PRKG2: variants seen among roughly 807,000 people sequenced by gnomAD.
The protein encoded by PRKG2 is protein kinase cGMP-dependent 2, also known as cGMP-dependent protein kinase 2.
PRKG2 carries 33 observed loss-of-function variants against 97.2 expected under a neutral mutation model. The ratio of observed to expected loss-of-function variants is 0.34; its 90% CI spans 0.26 to 0.45. The LOEUF (loss-of-function observed/expected upper bound fraction) is 0.45. Among genes scored for constraint, PRKG2 ranks in the 20% least tolerant of loss-of-function variants. The pLI is 1.00. For missense variants in PRKG2, 638 were observed against 900.0 expected, an observed-to-expected ratio of 0.71 and a Z score of 3.73; for synonymous variants, 330 against 321.8, an observed-to-expected ratio of 1.03 and a Z score of -0.27.
chr4:81,187,531 G>T (rs922026132), intron 2 of PRKG2, among the ~76,000 whole-genome samples: 3 of 152,094 alleles, frequency 2.0e-5, no homozygotes, highest in African/African-American at 7.2e-5. Flanking sequence ...GCAAAATCTG[G>T]AAGCATTCCC....
intron 17 of PRKG2, among the ~76,000 whole-genome samples, chr4:81,097,189 T>C (rs1742205085): frequency 6.6e-6 from 1 of 152,150 alleles, no homozygotes; most frequent in African/African-American, 2.4e-5. Flanking sequence ...TAAATACTCC[T>C]TGGTTCCTGG....
At chr4:81,141,973 C>T (rs903918025) in intron 11 of PRKG2, among the ~76,000 whole-genome samples, 4 of 152,130 alleles carry the variant, frequency 2.6e-5, no homozygotes, top group African/African-American at 9.7e-5. Context: ...GCCAGCAGAC[C>T]AACAGGTCAG....
intron 1 of PRKG2, among the ~76,000 whole-genome samples, chr4:81,207,115 A>C (rs1353378398): frequency 6.6e-6 from 1 of 152,230 alleles, no homozygotes. Flanking sequence ...AGCCCTGGAC[A>C]TACTTGTACC....
In PRKG2 at chr4:81,144,234, C is replaced by T. The variant is rs112801782; in HGVS notation, c.1251G>A (p.Ala417=). ...CAGGAAAACATTCCTCCACTTACTT[C>T]GCATGTCTTTTTTCATCATCACGGT... ...NLNRDDEKRH[A]KRSMSNWKLS... Residue 417 remains alanine (A), a splice_region_variant and synonymous_variant, in exon 10 of 19, where the codon GCG becomes GCA. Transcript: ENST00000264399. The T allele has an allele frequency of 4.2e-5, 67 of 1,602,878 alleles. No homozygotes were observed. The African/African-American group carries it at 6.3e-4, about 15-fold the overall frequency.
chr4:81,148,767 G>A (rs1748101448), intron 9 of PRKG2, 117 bp downstream of exon 9: 4 of 876,902 alleles, frequency 4.6e-6, no homozygotes, highest in Non-Finnish European at 7.6e-6. Flanking sequence ...TTGCAGCTGA[G>A]ATCGGCCAGT....
intron 14 of PRKG2, among the ~76,000 whole-genome samples, chr4:81,117,010 T>TTTTTTTTTTA (rs1744607499): frequency 7.0e-6 from 1 of 143,858 alleles, no homozygotes; most frequent in African/African-American, 2.7e-5. Context: ...TTTTTTTTTT[T>TTTTTTTTTTA]GAGACAGGGT....
At position 81,189,346 on chromosome 4, in the gene PRKG2, T is replaced by C. The variant is rs886849624; in HGVS notation, c.462-14387A>G. On this transcript the variant is annotated intron_variant, in intron 2 of 18. Coordinates refer to ENST00000264399, the MANE Select transcript of PRKG2 (RefSeq NM_006259.3). ...TCTTTTTGTCTTATTTTATTATTGCTACATCTTCAGAAATAATAAAAATGT... is the reference window on the plus strand; with the variant it reads ...TCTTTTTGTCTTATTTTATTATTGCCACATCTTCAGAAATAATAAAAATGT... Among the ~76,000 whole-genome samples, 4 of 130,500 alleles carry C rather than the reference T, an allele frequency of 3.1e-5. 1 individual carries two copies. The highest frequency in any genetic ancestry group is 8.3e-5 in the African/African-American group (2 of 24,172). 85.6% of individuals were successfully genotyped at this position (130,500 alleles called of 152,430 possible).
intron 18 of PRKG2, among the ~76,000 whole-genome samples, chr4:81,091,473 C>T (rs1393913284): frequency 4.6e-5 from 7 of 151,790 alleles, no homozygotes; most frequent in East Asian, 1.9e-4. Flanking sequence ...TTAGTAGAGA[C>T]AGGGTTTCAC....
chr4:81,115,177 T>C (rs55846324), intron 14 of PRKG2, among the ~76,000 whole-genome samples: 35,953 of 151,980 alleles, frequency 0.24, 5,667 homozygotes, highest in East Asian at 0.46. Flanking sequence ...CCAACTTTAC[T>C]AGATATTGCC....
At chr4:81,122,943 G>C (rs1745207725) in intron 14 of PRKG2, among the ~76,000 whole-genome samples, 1 of 152,184 alleles carries the variant, frequency 6.6e-6, no homozygotes, top group Non-Finnish European at 1.5e-5. Flanking sequence ...AAACAGCTCT[G>C]GCTGGGCTGC....
At chr4:81,207,793 T>C (rs1028425365) in intron 1 of PRKG2, among the ~76,000 whole-genome samples, 1 of 152,210 alleles carries the variant, frequency 6.6e-6, no homozygotes, top group African/African-American at 2.4e-5. Flanking sequence ...AGTTACTAAA[T>C]GGCTCAATAC....
At chr4:81,151,595 G>A (rs779131953) in intron 8 of PRKG2, among the ~76,000 whole-genome samples, 10 of 152,020 alleles carry the variant, frequency 6.6e-5, no homozygotes, top group Non-Finnish European at 8.8e-5. Context: ...AAATTATTTC[G>A]TAATTTTTAA....
intron 14 of PRKG2, among the ~76,000 whole-genome samples, chr4:81,131,400 G>C (rs1746164364): frequency 6.6e-6 from 1 of 152,200 alleles, no homozygotes; most frequent in Admixed American, 6.5e-5. Flanking sequence ...CTGCAGACCA[G>C]AGCTGTTCCT....
chr4:81,152,265 T>C (rs938924857), intron 7 of PRKG2, among the ~76,000 whole-genome samples: 8 of 152,160 alleles, frequency 5.3e-5, no homozygotes, highest in African/African-American at 1.9e-4. Flanking sequence ...TATTATCAAA[T>C]AACTACCCAC....
chr4:81,212,368 G>A, intron 1 of PRKG2, among the ~76,000 whole-genome samples: 1 of 129,106 alleles, frequency 7.7e-6, no homozygotes, highest in East Asian at 2.5e-4. Context: ...TCAGCTATTT[G>A]GGGGGCTACA....
Position 81,180,285 on chromosome 4 carries a change from T to G in PRKG2, c.462-5326A>C, listed in dbSNP as rs538005610. Among the ~76,000 whole-genome samples the G allele has an allele frequency of 1.4e-4, 21 of 152,214 alleles. No homozygotes were observed. The East Asian group carries it at 4.0e-3, about 29-fold the overall frequency. On this transcript the variant is annotated intron_variant, in intron 2 of 18. Coordinates refer to ENST00000264399, the MANE Select transcript of PRKG2 (RefSeq NM_006259.3). ...AGATATTAGATTTAAGCCCAAATATTTTTTATTTACATTGGAGGTAAATAT... is the reference window on the plus strand; with the variant it reads ...AGATATTAGATTTAAGCCCAAATATGTTTTATTTACATTGGAGGTAAATAT...
intron 17 of PRKG2, among the ~76,000 whole-genome samples, chr4:81,103,192 G>C (rs942768345): frequency 1.3e-5 from 2 of 151,988 alleles, no homozygotes; most frequent in African/African-American, 4.8e-5. Context: ...TAAGTTCTAG[G>C]GTACATGTGC....
At chr4:81,196,924 A>G (rs945416611) in intron 2 of PRKG2, among the ~76,000 whole-genome samples, 2 of 152,190 alleles carry the variant, frequency 1.3e-5, no homozygotes, top group African/African-American at 4.8e-5. Flanking sequence ...GATACAAGAA[A>G]TGTACCTTTC....
intron 14 of PRKG2, among the ~76,000 whole-genome samples, chr4:81,132,620 G>C (rs746768029): frequency 6.6e-6 from 1 of 152,086 alleles, no homozygotes; most frequent in South Asian, 2.1e-4. Flanking sequence ...TTTTTACAGA[G>C]CTTGAATATC....
Sources: allele counts gnomAD v4.1 joint callset (sites outside exome capture counted in the v4.1 genomes callset), GRCh38; gene constraint gnomAD v4.1.1; transcripts MANE v1.5; gene names NCBI Gene and HGNC (gene_info 2026-07-23, HGNC 2026-07-21).